Variants in SLC6A5 observed in about 807,000 individuals in gnomAD.
The protein encoded by SLC6A5 is sodium- and chloride-dependent glycine transporter 2.
A neutral mutation model predicts 90.5 loss-of-function variants in SLC6A5; 58 were observed. That is an observed-to-expected ratio of 0.64 (90% CI 0.52 to 0.80). The LOEUF (loss-of-function observed/expected upper bound fraction) is 0.80, where lower values mean the gene tolerates loss of function less well. Ranked by LOEUF, SLC6A5 falls within the 30% of genes least tolerant of loss-of-function variation. The pLI, the probability that SLC6A5 is intolerant of heterozygous loss-of-function variation, is 0.00. For missense variants in SLC6A5, 1,015 were observed against 1,017.6 expected (o/e 1.00, Z 0.03); for synonymous variants, 427 against 401.4 (o/e 1.06, Z -0.76).
chr11:20,653,907 C>T (rs1017292535), intron 15 of SLC6A5, among the ~76,000 whole-genome samples: 1 of 152,156 alleles, frequency 6.6e-6, no homozygotes, highest in African/African-American at 2.4e-5. Context: ...ATTTGGGACA[C>T]AAAGGTTGCA....
intron 7 of SLC6A5, among the ~76,000 whole-genome samples, chr11:20,620,804 T>C (rs1852874457): frequency 6.6e-6 from 1 of 151,968 alleles, no homozygotes; most frequent in Admixed American, 6.5e-5. Context: ...ATATTTATTT[T>C]TTATTTTTTT....
chr11:20,652,740 T>G (rs1327775809), intron 15 of SLC6A5, among the ~76,000 whole-genome samples: 4 of 152,190 alleles, frequency 2.6e-5, no homozygotes, highest in Non-Finnish European at 5.9e-5. Context: ...TTCCTGGAGT[T>G]TCCTCTTCCT....
rs191877251 is a variant in SLC6A5 at position 20,619,041 on chromosome 11, C to T, written c.1260+1157C>T. Reference sequence around the variant, plus strand: ...GATCACATGCAATAATATTTAATTACGCCAGGAGGTATTTGCATGTTTTAG... The same window carrying T: ...GATCACATGCAATAATATTTAATTATGCCAGGAGGTATTTGCATGTTTTAG... On this transcript the variant is annotated intron_variant, in intron 7 of 15. Transcript: ENST00000525748. Among the ~76,000 whole-genome samples, 832 of 152,006 alleles carry T rather than the reference C, an allele frequency of 5.5e-3. 5 individuals carry two copies. Among genetic ancestry groups the T allele is most frequent in the African/African-American group, 0.018 (763 of 41,460 alleles).
intron 6 of SLC6A5, among the ~76,000 whole-genome samples, chr11:20,615,329 A>G (rs754867197): frequency 6.6e-6 from 1 of 152,104 alleles, no homozygotes; most frequent in Non-Finnish European, 1.5e-5. Context: ...CCATTGGAAG[A>G]TTTAGTGAAG....
intron 1 of SLC6A5, among the ~76,000 whole-genome samples, chr11:20,600,138 G>A (rs545168006): frequency 5.9e-5 from 9 of 152,080 alleles, no homozygotes; most frequent in Admixed American, 2.0e-4. Flanking sequence ...AATTATTGGT[G>A]CTAATGTTTA....
chr11:20,645,847 G>T (rs768705472), intron 13 of SLC6A5, among the ~76,000 whole-genome samples: 1 of 152,006 alleles, frequency 6.6e-6, no homozygotes, highest in African/African-American at 2.4e-5. Flanking sequence ...GTGTTAGACG[G>T]GATGTTCTCG....
chr11:20,628,835 T>A (rs1367495600), intron 9 of SLC6A5, among the ~76,000 whole-genome samples: 1 of 152,162 alleles, frequency 6.6e-6, no homozygotes, highest in Non-Finnish European at 1.5e-5. Context: ...TAGATTCATA[T>A]CCTGGCCCAC....
At chr11:20,635,169 G>A (rs1355013323) in intron 10 of SLC6A5, among the ~76,000 whole-genome samples, 2 of 152,174 alleles carry the variant, frequency 1.3e-5, no homozygotes, top group Non-Finnish European at 2.9e-5. Context: ...TGTTGATGAT[G>A]TAGGGGGTAC....
At chr11:20,613,311 G>T (rs1852727502) in intron 5 of SLC6A5, among the ~76,000 whole-genome samples, 1 of 152,186 alleles carries the variant, frequency 6.6e-6, no homozygotes, top group Admixed American at 6.5e-5. Flanking sequence ...TGCCATATAA[G>T]TGTAAGTTGT....
At position 20,624,496 on chromosome 11, in the gene SLC6A5, A is replaced by G. The variant is rs78933086; in HGVS notation, c.1261-2212A>G. On this transcript the variant is annotated intron_variant, in intron 7 of 15. Coordinates refer to ENST00000525748, the MANE Select transcript of SLC6A5 (RefSeq NM_004211.5). ...TCTCAGCTCTAAACTTTCCCAATTC[A>G]TCTCCCCCTGTGAGTCCTTGAATCC... Among the ~76,000 whole-genome samples, 4,932 of 151,784 alleles carry G rather than the reference A, an allele frequency of 0.032. 402 individuals carry two copies. The East Asian group carries it at 0.33, about 10-fold the overall frequency.
chr11:20,604,374 G>A lies in SLC6A5; in HGVS notation c.629G>A (p.Gly210Glu). 1.9e-6 allele frequency: 3 copies of A among 1,614,160 alleles called. No homozygotes were observed. The highest frequency in any genetic ancestry group is 2.5e-6 in the Non-Finnish European group (3 of 1,180,002). Residue 210 changes from glycine (G) to glutamate (E), a missense_variant, in exon 3 of 16, where the codon GGG becomes GAG. Coordinates refer to ENST00000525748, the MANE Select transcript of SLC6A5 (RefSeq NM_004211.5). ...FILSMVGYAV[G>E]LGNVWRFPYL... ...CTGTCCATGGTGGGGTACGCAGTGG[G>A]GCTGGGCAATGTCTGGAGGTTTCCC...
At chr11:20,624,448 G>A (rs374192256) in intron 7 of SLC6A5, among the ~76,000 whole-genome samples, 4 of 151,672 alleles carry the variant, frequency 2.6e-5, no homozygotes, top group Admixed American at 6.6e-5. Context: ...CAACGCTCCC[G>A]GCCCCCAAGA....
At chr11:20,600,335 G>GGAAGAAGAAGAAGAAGAAGAAGAA (rs55891826) in intron 1 of SLC6A5, among the ~76,000 whole-genome samples, 3 of 87,878 alleles carry the variant, frequency 3.4e-5, no homozygotes, top group Non-Finnish European at 2.2e-5. Flanking sequence ...AAGAAGAAGA[G>GGAAGAAGAAGAAGAAGAAGAAGAA]GAAGAAGAAG....
chr11:20,651,774 G>T (rs1031131019), intron 14 of SLC6A5, among the ~76,000 whole-genome samples: 1 of 152,004 alleles, frequency 6.6e-6, no homozygotes, highest in African/African-American at 2.4e-5. Context: ...TGGGTGTGTG[G>T]CATACATCTG....
At chr11:20,635,223 A>T (rs1853182709) in intron 10 of SLC6A5, among the ~76,000 whole-genome samples, 1 of 152,080 alleles carries the variant, frequency 6.6e-6, no homozygotes, top group Non-Finnish European at 1.5e-5. Flanking sequence ...GTTTATTGTA[A>T]CCACCTTGTG....
In SLC6A5 at chr11:20,637,241, C is replaced by A. The variant is rs1429944835; in HGVS notation, c.1807C>A (p.Pro603Thr). The part of the protein sequence containing the change: ...EFPKYLRTHK[P>T]VFTLGCCICF... ...TCCCAAGTACCTACGCACACACAAGCCAGTGTTTACTCTGGGCTGCTGCAT... is the reference window on the plus strand; with the variant it reads ...TCCCAAGTACCTACGCACACACAAGACAGTGTTTACTCTGGGCTGCTGCAT... Residue 603 changes from proline to threonine, a missense_variant, in exon 12 of 16, where the codon CCA becomes ACA. Physicochemically the swap from Pro to Thr is conservative, Grantham distance 38 (BLOSUM62 -1). Coordinates refer to ENST00000525748, the MANE Select transcript of SLC6A5 (RefSeq NM_004211.5). 1.2e-6 allele frequency: 2 copies of A among 1,613,812 alleles called. No individual in the cohort carries two copies. The highest frequency in any genetic ancestry group is 1.7e-6 in the Non-Finnish European group (2 of 1,179,878).
intron 2 of SLC6A5, 150 bp downstream of exon 2, chr11:20,601,815 G>T (rs1256018386): frequency 1.1e-6 from 1 of 877,050 alleles, no homozygotes; most frequent in Non-Finnish European, 1.8e-6. Flanking sequence ...TGGGGCTTCG[G>T]AAGCTCGCAC....
intron 10 of SLC6A5, among the ~76,000 whole-genome samples, chr11:20,634,226 G>A (rs1287594986): frequency 6.6e-6 from 1 of 152,166 alleles, no homozygotes; most frequent in East Asian, 1.9e-4. Flanking sequence ...GGGCTCTACT[G>A]CCTCCCAGTG....
At position 20,626,713 on chromosome 11, in the gene SLC6A5, G is replaced by A. The variant is rs766480639; in HGVS notation, c.1266G>A (p.Val422=). 128 of 1,613,930 alleles carry A rather than the reference G, an allele frequency of 7.9e-5. 2 individuals carry two copies. In the South Asian group the frequency reaches 1.4e-3, roughly 17 times the overall value. The part of the protein sequence containing the change: ...AKGIKTSGKV[V]YFTATFPYVV... ...TCTGCCCATGGCTTTTCTAGGTGGT[G>A]TACTTCACGGCCACGTTCCCGTATG... The change falls in exon 8 of 16, where the codon GTG becomes GTA. Residue 422 remains valine (V), a synonymous_variant. Coordinates refer to ENST00000525748, the MANE Select transcript of SLC6A5 (RefSeq NM_004211.5).
Sources: gnomAD v4.1 joint callset for allele counts (sites outside exome capture counted in the v4.1 genomes callset) on GRCh38, gnomAD v4.1.1 for gene constraint, MANE v1.5 for transcripts, NCBI Gene and HGNC (gene_info 2026-07-23, HGNC 2026-07-21) for gene names.